CNTN3: variants seen among roughly 807,000 people sequenced by gnomAD.
CNTN3 encodes the protein contactin 3, also known as contactin-3.
In CNTN3, 60 loss-of-function variants were observed where a neutral mutation model predicts 119.1. The observed-to-expected ratio is 0.50, with a 90% CI of 0.41 to 0.62. The LOEUF is 0.62. Among genes scored for constraint, CNTN3 ranks in the 20% least tolerant of loss-of-function variants. The probability of loss-of-function intolerance (pLI) is 0.00; values close to 1 mark genes in which losing one functional copy is unlikely to be tolerated. For synonymous variants in CNTN3, 450 were observed against 438.7 expected, an observed-to-expected ratio of 1.03 and a Z score of -0.32; for missense variants, 1,101 against 1,242.4, an observed-to-expected ratio of 0.89 and a Z score of 1.71.
Position 74,424,948 on chromosome 3 carries a change from GAAAAC to G in CNTN3, c.359-13_359-9del. 6.4e-7 allele frequency: 1 copy of G among 1,564,796 alleles called. No individual in the cohort carries two copies. The highest frequency in any genetic ancestry group is 8.7e-7 in the Non-Finnish European group (1 of 1,152,144). The stretch of plus-strand genomic sequence containing the variant: ...TTTTAAAATTTTCAAGATCTGATTT[GAAAAC>G]AAAACAAAACTGAATTTTAGAAAGA... On this transcript the variant is annotated splice_polypyrimidine_tract_variant and intron_variant, in intron 4 of 22. Transcript: ENST00000263665.
At chr3:74,605,578 C>A (rs940324700) in intron 1 of CNTN3, among the ~76,000 whole-genome samples, 4 of 152,102 alleles carry the variant, frequency 2.6e-5, no homozygotes, top group African/African-American at 7.2e-5. Context: ...CGGAGCCATT[C>A]GAGTAACATA....
intron 10 of CNTN3, 112 bp from the exon 11 acceptor site, chr3:74,362,152 G>A (rs1056496148): frequency 8.7e-7 from 1 of 1,148,560 alleles, no homozygotes; most frequent in Admixed American, 2.5e-5. Context: ...CAGGGTGTCA[G>A]TGCTTGATTT....
chr3:74,448,673 A>G (rs887398358), intron 4 of CNTN3, among the ~76,000 whole-genome samples: 1 of 152,196 alleles, frequency 6.6e-6, no homozygotes, highest in Admixed American at 6.6e-5. Flanking sequence ...AAAATAACAT[A>G]CACAGAGGCA....
At chr3:74,329,944 T>C (rs1032316272) in intron 13 of CNTN3, among the ~76,000 whole-genome samples, 1 of 152,128 alleles carries the variant, frequency 6.6e-6, no homozygotes, top group African/African-American at 2.4e-5. Context: ...GAGAGAAAAC[T>C]GTGTTCCAGG....
chr3:74,366,776 G>GTATATATATATATATATATATA (rs1416469987), intron 8 of CNTN3, among the ~76,000 whole-genome samples: 2 of 35,622 alleles, frequency 5.6e-5, no homozygotes, highest in African/African-American at 3.0e-4. Context: ...GTGTGTGTGT[G>GTATATATATATATATATATATA]TGTGTATATA....
At chr3:74,347,012 C>T (rs1311640469) in intron 11 of CNTN3, among the ~76,000 whole-genome samples, 1 of 152,096 alleles carries the variant, frequency 6.6e-6, no homozygotes, top group Non-Finnish European at 1.5e-5. Context: ...GTGAAATGCA[C>T]TTCAACAAAT....
chr3:74,453,242 T>C (rs1388958475), intron 4 of CNTN3, among the ~76,000 whole-genome samples: 1 of 107,180 alleles, frequency 9.3e-6, no homozygotes, highest in Non-Finnish European at 2.1e-5. Flanking sequence ...GGTTTAGTCT[T>C]GGAAGAGTGT....
chr3:74,463,590 C>T (rs559480161), intron 4 of CNTN3, among the ~76,000 whole-genome samples: 1 of 152,262 alleles, frequency 6.6e-6, no homozygotes, highest in Admixed American at 6.5e-5. Flanking sequence ...CTCATGCAGA[C>T]ATATCTCACA....
chr3:74,491,528 C>G (rs931467374), intron 3 of CNTN3, among the ~76,000 whole-genome samples: 1 of 151,752 alleles, frequency 6.6e-6, no homozygotes, highest in Non-Finnish European at 1.5e-5. Flanking sequence ...AACAAACAAA[C>G]AAAAAAAACT....
intron 13 of CNTN3, among the ~76,000 whole-genome samples, chr3:74,323,591 G>C (rs905473828): frequency 6.6e-6 from 1 of 152,130 alleles, no homozygotes; most frequent in Non-Finnish European, 1.5e-5. Flanking sequence ...TGGATACATT[G>C]CATGGTATGG....
chr3:74,614,439 C>T lies in CNTN3; in HGVS notation c.-129G>A, dbSNP rs1402798881. Among the ~76,000 whole-genome samples the T allele has an allele frequency of 5.2e-5, 2 of 38,586 alleles. No individual in the cohort carries two copies. Among genetic ancestry groups the T allele is most frequent in the African/African-American group, 3.9e-4 (1 of 2,588 alleles). The allele number at this position is 38,586 out of a possible 152,430, so 25.3% of individuals were successfully genotyped here. A position where few individuals can be genotyped will look rare whatever the true frequency, so the allele number is the denominator to read the frequency against. On this transcript the variant is annotated 5_prime_UTR_variant, in exon 1 of 23. Coordinates refer to ENST00000263665, the MANE Select transcript of CNTN3 (RefSeq NM_020872.3). ...GCCCGCCCCGACGGCCCACTCGCCG[C>T]CGCCGCCGCCGCCGCCGCCGCCGCC...
chr3:74,585,478 T>C (rs1352977655), intron 1 of CNTN3, among the ~76,000 whole-genome samples: 1 of 152,182 alleles, frequency 6.6e-6, no homozygotes, highest in African/African-American at 2.4e-5. Context: ...ATTTCTTATT[T>C]TGAATTCAAG....
At chr3:74,415,471 A>T (rs955517833) in intron 5 of CNTN3, among the ~76,000 whole-genome samples, 1 of 152,184 alleles carries the variant, frequency 6.6e-6, no homozygotes, top group African/African-American at 2.4e-5. Flanking sequence ...GCTGTCAAAA[A>T]ATAAAGCTTC....
intron 13 of CNTN3, among the ~76,000 whole-genome samples, chr3:74,324,219 T>C (rs1210815207): frequency 2.7e-5 from 4 of 150,432 alleles, no homozygotes; most frequent in African/African-American, 4.9e-5. Flanking sequence ...TCTTCTTCTT[T>C]TTTTTTTTTT....
At chr3:74,270,824 C>T (rs1485963963) in intron 20 of CNTN3, among the ~76,000 whole-genome samples, 9 of 152,092 alleles carry the variant, frequency 5.9e-5, no homozygotes, top group African/African-American at 2.2e-4. Flanking sequence ...CGTTCATATC[C>T]TATAGGTTTT....
At chr3:74,383,177 C>T (rs1704664148) in intron 5 of CNTN3, among the ~76,000 whole-genome samples, 1 of 152,110 alleles carries the variant, frequency 6.6e-6, no homozygotes, top group Non-Finnish European at 1.5e-5. Flanking sequence ...TATGAGCCTC[C>T]TGGAAATGAT....
At chr3:74,506,459 G>A (rs1377409529) in intron 2 of CNTN3, among the ~76,000 whole-genome samples, 4 of 152,100 alleles carry the variant, frequency 2.6e-5, no homozygotes, top group Admixed American at 2.6e-4. Context: ...GGTGGGAGGA[G>A]ATGGGTTGGA....
At position 74,362,041 on chromosome 3, in the gene CNTN3, C is replaced by T. The variant is rs946524682; in HGVS notation, c.1214-1G>A. ...TTCTTTGAAAAATCTGGAGCAGAAG[C>T]TGAAAGGCAAGAAAGGAGAGAAGGA... On this transcript the variant is annotated splice_acceptor_variant, in intron 10 of 22. Coordinates refer to ENST00000263665, the MANE Select transcript of CNTN3 (RefSeq NM_020872.3). LOFTEE classifies it high-confidence loss of function. The T allele has an allele frequency of 1.2e-6, 2 of 1,612,844 alleles. No individual in the cohort carries two copies. Among genetic ancestry groups the T allele is most frequent in the African/African-American group, 2.7e-5 (2 of 74,982 alleles).
chr3:74,277,379 G>A (rs967646809), intron 20 of CNTN3, among the ~76,000 whole-genome samples: 1 of 151,982 alleles, frequency 6.6e-6, no homozygotes, highest in African/African-American at 2.4e-5. Context: ...CAAAACACTA[G>A]CTAACTGAAT....
Sources: gnomAD v4.1 joint callset for allele counts (sites outside exome capture counted in the v4.1 genomes callset) on GRCh38, gnomAD v4.1.1 for gene constraint, MANE v1.5 for transcripts, NCBI Gene and HGNC (gene_info 2026-07-23, HGNC 2026-07-21) for gene names.